The following FRMD4A variants were observed in gnomAD, a reference collection of about 807,000 sequenced individuals.
FRMD4A encodes the protein FERM domain-containing protein 4A.
A neutral mutation model predicts 129.1 loss-of-function variants in FRMD4A; 29 were observed. The observed-to-expected ratio is 0.22, with a 90% CI of 0.17 to 0.31. The LOEUF is 0.31. FRMD4A is among the 10% of genes least tolerant of loss of function. The pLI is 1.00. For synonymous variants in FRMD4A, 634 were observed against 571.6 expected, an observed-to-expected ratio of 1.11 and a Z score of -1.56; for missense variants, 1,272 against 1,375.8, an observed-to-expected ratio of 0.92 and a Z score of 1.19.
intron 2 of FRMD4A, among the ~76,000 whole-genome samples, chr10:13,970,500 C>T (rs1368923409): frequency 6.6e-6 from 1 of 152,184 alleles, no homozygotes; most frequent in Non-Finnish European, 1.5e-5. Context: ...CACCAAATTA[C>T]ACCTAAAAAT....
At position 13,656,939 on chromosome 10, in the gene FRMD4A, G is replaced by T; in HGVS notation, c.2650C>A (p.Arg884Ser). The change falls in exon 22 of 25, where the codon CGC becomes AGC. Residue 884 changes from arginine (R) to serine (S), a missense_variant. Around this residue, in one of 2 missense-constraint regions of FRMD4A, gnomAD observed 972 missense variants for 892.3 expected, o/e 1.09. Transcript: ENST00000357447. ...TCGCCCTCGTCGCCGCCGCCGCCGC[G>T]CCAGCTCTCCTTGAACAGGCCGCCC... ...TAGGLFKESW[R>S]GGGGDEGDTG... 6.6e-7 allele frequency: 1 copy of T among 1,516,708 alleles called. No homozygotes were observed. The allele number at this position is 1,516,708 out of a possible 1,614,324, so 94.0% of individuals were successfully genotyped here.
At chr10:14,055,462 AACACACACAC>A (rs71388155) in intron 2 of FRMD4A, among the ~76,000 whole-genome samples, 14,245 of 77,174 alleles carry the variant, frequency 0.18, 700 homozygotes, top group Non-Finnish European at 0.21. Flanking sequence ...CACACACACA[AACACACACAC>A]ACACACACAC....
intron 2 of FRMD4A, among the ~76,000 whole-genome samples, chr10:14,155,174 C>T (rs1012548279): frequency 5.9e-5 from 9 of 152,086 alleles, no homozygotes; most frequent in African/African-American, 1.4e-4. Flanking sequence ...ACATGTTTAT[C>T]GTCCCAGCTA....
chr10:14,186,028 G>A (rs149974294), intron 2 of FRMD4A, among the ~76,000 whole-genome samples: 2 of 152,238 alleles, frequency 1.3e-5, no homozygotes, highest in African/African-American at 4.8e-5. Context: ...GCAGTGGGCA[G>A]AAGTGCGGGC....
intron 8 of FRMD4A, among the ~76,000 whole-genome samples, chr10:13,759,466 G>A (rs1005554054): frequency 3.3e-5 from 5 of 152,082 alleles, no homozygotes; most frequent in Admixed American, 1.3e-4. Context: ...ATCCCGTCAG[G>A]GTACTCTCAA....
intron 2 of FRMD4A, among the ~76,000 whole-genome samples, chr10:13,990,383 G>T (rs1175130897): frequency 6.6e-6 from 1 of 152,218 alleles, no homozygotes; most frequent in Non-Finnish European, 1.5e-5. Flanking sequence ...GACTGAGAAG[G>T]CCCAGAGACG....
At chr10:13,778,675 T>C (rs1311564591) in intron 6 of FRMD4A, among the ~76,000 whole-genome samples, 3 of 151,960 alleles carry the variant, frequency 2.0e-5, no homozygotes, top group Non-Finnish European at 4.4e-5. Flanking sequence ...GGCCTGAGTT[T>C]AATTACATTT....
chr10:14,038,793 C>A (rs190330147), intron 2 of FRMD4A, among the ~76,000 whole-genome samples: 1 of 152,202 alleles, frequency 6.6e-6, no homozygotes, highest in Non-Finnish European at 1.5e-5. Context: ...TTGTTACCCA[C>A]GACTTTTATC....
chr10:14,089,639 ACAAAC>A (rs1564280415), intron 2 of FRMD4A, among the ~76,000 whole-genome samples: 77 of 100,558 alleles, frequency 7.7e-4, no homozygotes, highest in African/African-American at 3.9e-3. Context: ...ACAAAAAAAA[ACAAAC>A]AAAAAAAAAA....
At chr10:14,225,004 A>C (rs1343600568) in intron 2 of FRMD4A, among the ~76,000 whole-genome samples, 1 of 152,188 alleles carries the variant, frequency 6.6e-6, no homozygotes, top group Non-Finnish European at 1.5e-5. Context: ...ACAACATCTG[A>C]ACTCTAAAAA....
At chr10:13,906,383 C>A (rs916634732) in intron 2 of FRMD4A, among the ~76,000 whole-genome samples, 2 of 152,182 alleles carry the variant, frequency 1.3e-5, no homozygotes, top group African/African-American at 2.4e-5. Flanking sequence ...AACCACCAAC[C>A]AACAGCTTAC....
chr10:14,057,811 C>T (rs1834613821), intron 2 of FRMD4A, among the ~76,000 whole-genome samples: 1 of 152,136 alleles, frequency 6.6e-6, no homozygotes, highest in Non-Finnish European at 1.5e-5. Flanking sequence ...CTCAGGTGAT[C>T]CACCCATCTT....
intron 2 of FRMD4A, among the ~76,000 whole-genome samples, chr10:14,216,076 C>G (rs1037748111): frequency 6.6e-6 from 1 of 152,134 alleles, no homozygotes; most frequent in African/African-American, 2.4e-5. Context: ...CCATGTTGTG[C>G]TGCTTTTGGA....
chr10:14,006,451 T>C (rs574605829), intron 2 of FRMD4A, among the ~76,000 whole-genome samples: 66 of 152,348 alleles, frequency 4.3e-4, no homozygotes, highest in African/African-American at 1.4e-3. Context: ...TAGTAAACAA[T>C]GACTAACAGA....
intron 2 of FRMD4A, among the ~76,000 whole-genome samples, chr10:14,048,987 G>A (rs1834129279): frequency 1.3e-5 from 2 of 152,170 alleles, no homozygotes; most frequent in African/African-American, 4.8e-5. Flanking sequence ...CCCACGTGTA[G>A]CACAAAAAGC....
chr10:13,988,306 G>A (rs2095589629), intron 2 of FRMD4A, among the ~76,000 whole-genome samples: 1 of 152,170 alleles, frequency 6.6e-6, no homozygotes. Flanking sequence ...TTCTCATAGT[G>A]GACTCTTCGA....
At chr10:14,202,826 T>A (rs1410087616) in intron 2 of FRMD4A, among the ~76,000 whole-genome samples, 1 of 152,182 alleles carries the variant, frequency 6.6e-6, no homozygotes, top group African/African-American at 2.4e-5. Context: ...AGGCTGGAGT[T>A]CAGCGGTGCA....
Position 13,884,218 on chromosome 10 carries a change from A to ACTCT in FRMD4A, c.46-25307_46-25306insAGAG, listed in dbSNP as rs773410986. The stretch of plus-strand genomic sequence containing the variant: ...CACTCACACACACACTCACACACAC[A>ACTCT]CACACACACACACACACACACACTC... On this transcript the variant is annotated intron_variant, in intron 2 of 24. Transcript: ENST00000357447. 1.4e-4 allele frequency among the ~76,000 whole-genome samples: 13 copies of ACTCT among 91,948 alleles called. 1 individual carries two copies. The South Asian group carries it at 2.2e-3, about 16-fold the overall frequency. The allele number at this position is 91,948 out of a possible 152,430, so 60.3% of individuals were successfully genotyped here.
intron 2 of FRMD4A, among the ~76,000 whole-genome samples, chr10:14,027,411 C>A (rs552275024): frequency 3.9e-5 from 6 of 152,228 alleles, no homozygotes; most frequent in Non-Finnish European, 8.8e-5. Context: ...GAGGCCGAGG[C>A]GGGTGGACAG....
Sources: gnomAD v4.1 joint callset for allele counts (sites outside exome capture counted in the v4.1 genomes callset) on GRCh38, gnomAD v4.1.1 for gene constraint, gnomAD v4.1.1 regional missense constraint, MANE v1.5 for transcripts, NCBI Gene and HGNC (gene_info 2026-07-23, HGNC 2026-07-21) for gene names.